LRCH3: variants seen among roughly 807,000 people sequenced by gnomAD.
The protein encoded by LRCH3 is DISP complex protein LRCH3.
Under a neutral mutation model 104.5 loss-of-function variants are expected in LRCH3, and 68 were observed. The ratio of observed to expected loss-of-function variants is 0.65; its 90% CI spans 0.54 to 0.80. The LOEUF is 0.80. LRCH3 is among the 30% of genes least tolerant of loss of function. The pLI is 0.00. For synonymous variants in LRCH3, 344 were observed against 361.3 expected (o/e 0.95, Z 0.54); for missense variants, 951 against 953.9 (o/e 1.00, Z 0.04).
intron 9 of LRCH3, among the ~76,000 whole-genome samples, chr3:197,837,326 C>T (rs1736962150): frequency 6.6e-6 from 1 of 152,028 alleles, no homozygotes; most frequent in Admixed American, 6.6e-5. Context: ...GTGAAAATGC[C>T]TATTATACTA....
intron 15 of LRCH3, among the ~76,000 whole-genome samples, chr3:197,860,825 C>G (rs1311770202): frequency 1.3e-5 from 2 of 152,058 alleles, no homozygotes; most frequent in South Asian, 4.1e-4. Context: ...TTTGTACTAT[C>G]AAATGCTGGA....
At chr3:197,806,908 G>T (rs921543703) in intron 1 of LRCH3, among the ~76,000 whole-genome samples, 6 of 151,274 alleles carry the variant, frequency 4.0e-5, no homozygotes, top group Non-Finnish European at 8.8e-5. Flanking sequence ...ACATGGTTCC[G>T]CATTCCTGTG....
chr3:197,847,764 C>G (rs977273628), intron 11 of LRCH3, 108 bp from the exon 12 acceptor site: 156 of 945,192 alleles, frequency 1.7e-4, no homozygotes, highest in Non-Finnish European at 1.9e-4. Context: ...TAGGTGACTT[C>G]AAAGCAAAAG....
At chr3:197,880,197 G>T (rs550867249) in intron 20 of LRCH3, among the ~76,000 whole-genome samples, 2 of 151,828 alleles carry the variant, frequency 1.3e-5, no homozygotes, top group African/African-American at 4.8e-5. Flanking sequence ...CACCCGCCTC[G>T]GCCTCCCAAA....
Position 197,875,690 on chromosome 3 carries a change from C to T in LRCH3, c.2131-8C>T, listed in dbSNP as rs1017948711. On this transcript the variant is annotated splice_region_variant and splice_polypyrimidine_tract_variant and intron_variant, in intron 19 of 20. Coordinates refer to ENST00000425562, the MANE Select transcript of LRCH3 (RefSeq NM_001365715.1). ...CTCTAGTAACACATTTTCTTTTCCTCATTTCAGCCTAAATTAACAATGGCG... is the reference window on the plus strand; with the variant it reads ...CTCTAGTAACACATTTTCTTTTCCTTATTTCAGCCTAAATTAACAATGGCG... The T allele has an allele frequency of 1.6e-5, 24 of 1,532,440 alleles. No individual in the cohort carries two copies. Among genetic ancestry groups the T allele is most frequent in the Non-Finnish European group, 1.8e-5 (21 of 1,145,206 alleles). 94.9% of individuals were successfully genotyped at this position (1,532,440 alleles called of 1,614,324 possible). A position where few individuals can be genotyped will look rare whatever the true frequency, so the allele number is the denominator to read the frequency against.
At chr3:197,864,814 A>G (rs1037844704) in intron 15 of LRCH3, among the ~76,000 whole-genome samples, 1 of 149,382 alleles carries the variant, frequency 6.7e-6, no homozygotes, top group Admixed American at 6.7e-5. Context: ...TGAGCTCAGG[A>G]GGTTGAGACT....
intron 15 of LRCH3, among the ~76,000 whole-genome samples, chr3:197,863,126 T>C (rs1741070239): frequency 6.6e-6 from 1 of 152,132 alleles, no homozygotes; most frequent in African/African-American, 2.4e-5. Context: ...ATTTGTATGT[T>C]TGTGTTAATT....
chr3:197,805,750 A>G (rs1431787029), intron 1 of LRCH3, among the ~76,000 whole-genome samples: 1 of 151,834 alleles, frequency 6.6e-6, no homozygotes, highest in African/African-American at 2.4e-5. Flanking sequence ...CTTGGCTGAT[A>G]TACTCCTCTG....
At chr3:197,800,859 T>C (rs2109113581) in intron 1 of LRCH3, among the ~76,000 whole-genome samples, 1 of 151,636 alleles carries the variant, frequency 6.6e-6, no homozygotes, top group East Asian at 1.9e-4. Context: ...ACTTTGGGAG[T>C]TTAAGGTGGG....
chr3:197,848,177 A>G (rs919464667), intron 12 of LRCH3, 156 bp downstream of exon 12: 65 of 669,140 alleles, frequency 9.7e-5, no homozygotes, highest in South Asian at 7.7e-4. Flanking sequence ...ACTTGTGTCT[A>G]TCTGCATGAG....
At chr3:197,861,267 C>T (rs773325547) in intron 15 of LRCH3, among the ~76,000 whole-genome samples, 3 of 152,258 alleles carry the variant, frequency 2.0e-5, no homozygotes, top group South Asian at 4.1e-4. Flanking sequence ...CTTTGCTAGC[C>T]GTTCTCAACT....
At chr3:197,855,423 C>T (rs1740119687) in intron 14 of LRCH3, among the ~76,000 whole-genome samples, 1 of 152,148 alleles carries the variant, frequency 6.6e-6, no homozygotes, top group Non-Finnish European at 1.5e-5. Context: ...CAAACACTTA[C>T]CAAAATTATC....
chr3:197,841,640 C>G (rs762406580), intron 10 of LRCH3, among the ~76,000 whole-genome samples: 16 of 152,002 alleles, frequency 1.1e-4, no homozygotes, highest in Non-Finnish European at 1.8e-4. Flanking sequence ...GTCCAGAGTT[C>G]CTGTTTTTAC....
intron 16 of LRCH3, 127 bp from the exon 17 acceptor site, chr3:197,865,985 C>T: frequency 1.5e-6 from 1 of 687,118 alleles, no homozygotes; most frequent in Non-Finnish European, 2.4e-6. Context: ...CCAGACTTTT[C>T]ATCATTAAAT....
chr3:197,839,186 G>C (rs1239049535), intron 9 of LRCH3, 135 bp from the exon 10 acceptor site: 1 of 597,856 alleles, frequency 1.7e-6, no homozygotes, highest in Non-Finnish European at 2.9e-6. Flanking sequence ...TAAACTTAAA[G>C]TTTACATTTG....
chr3:197,869,762 A>G (rs1372312971), intron 17 of LRCH3, among the ~76,000 whole-genome samples: 3 of 116,008 alleles, frequency 2.6e-5, no homozygotes, highest in African/African-American at 3.7e-5. Flanking sequence ...GTAGAAAGCG[A>G]TGCACTGTAC....
At chr3:197,792,577 TTATATATATATATATATA>T (rs11420466) in intron 1 of LRCH3, among the ~76,000 whole-genome samples, 1 of 20,330 alleles carries the variant, frequency 4.9e-5, no homozygotes, top group Admixed American at 8.8e-4. Context: ...CCAGCTAATT[TTATATATATATATATATA>T]TATATATATA....
intron 5 of LRCH3, among the ~76,000 whole-genome samples, chr3:197,828,705 T>G (rs1341173045): frequency 7.8e-6 from 1 of 128,040 alleles, no homozygotes; most frequent in Non-Finnish European, 1.6e-5. Flanking sequence ...ATGTTACTCT[T>G]TTTTTTTTTT....
At position 197,839,373 on chromosome 3, in the gene LRCH3, T is replaced by G. The variant is rs772637588; in HGVS notation, c.1304T>G (p.Met435Arg). 2 of 1,595,514 alleles carry G rather than the reference T, an allele frequency of 1.3e-6. No homozygotes were observed. The highest frequency in any genetic ancestry group is 1.1e-5 in the South Asian group (1 of 88,010). ...AGGGAGTTTCAAAAAACAGAAGATA[T>G]GAGAAGATATTTACATCAAAACAGG... Reference protein sequence around the residue: ...AIREFQKTEDMRRYLHQNRVP... With the variant: ...AIREFQKTEDRRRYLHQNRVP... The change falls in exon 10 of 21, where the codon ATG (methionine) becomes AGG (arginine). Residue 435 changes from methionine to arginine, a missense_variant. By Grantham distance (91) the Met-to-Arg change is moderately conservative. Transcript: ENST00000425562.
Sources: gnomAD v4.1 joint callset for allele counts (sites outside exome capture counted in the v4.1 genomes callset) on GRCh38, gnomAD v4.1.1 for gene constraint, MANE v1.5 for transcripts, NCBI Gene and HGNC (gene_info 2026-07-23, HGNC 2026-07-21) for gene names.